Variants in AMBRA1 observed in about 807,000 individuals in gnomAD.
AMBRA1 encodes the protein activating molecule in BECN1-regulated autophagy protein 1.
Under a neutral mutation model 125.4 loss-of-function variants are expected in AMBRA1, and 47 were observed. The observed-to-expected ratio is 0.37, with a 90% CI of 0.30 to 0.48. The LOEUF is 0.48. Ranked by LOEUF, AMBRA1 falls within the 20% of genes least tolerant of loss-of-function variation. The pLI is 0.99. For missense variants in AMBRA1, 1,331 were observed against 1,693.4 expected (o/e 0.79, Z 3.76); for synonymous variants, 626 against 655.5 (o/e 0.95, Z 0.69).
At chr11:46,444,308 A>G (rs1948170004) in intron 11 of AMBRA1, among the ~76,000 whole-genome samples, 1 of 152,190 alleles carries the variant, frequency 6.6e-6, no homozygotes, top group South Asian at 2.1e-4. Context: ...ATTTGCTTGT[A>G]ACATCTCCAG....
At chr11:46,455,468 T>C (rs1485952804) in intron 11 of AMBRA1, among the ~76,000 whole-genome samples, 2 of 152,184 alleles carry the variant, frequency 1.3e-5, no homozygotes, top group African/African-American at 4.8e-5. Flanking sequence ...CATAACTAGG[T>C]AGCGTGCACA....
At chr11:46,426,377 C>T (rs1947137018) in intron 14 of AMBRA1, among the ~76,000 whole-genome samples, 1 of 152,222 alleles carries the variant, frequency 6.6e-6, no homozygotes, top group Admixed American at 6.5e-5. Flanking sequence ...CATGGACGCA[C>T]TACAGAGGAA....
chr11:46,549,577 T>C (rs925297584), intron 1 of AMBRA1, among the ~76,000 whole-genome samples: 14 of 152,202 alleles, frequency 9.2e-5, no homozygotes, highest in Admixed American at 5.9e-4. Flanking sequence ...AAGGATGTTC[T>C]GCCTCATAAC....
chr11:46,523,964 GT>G (rs1467657461), intron 7 of AMBRA1, among the ~76,000 whole-genome samples: 1 of 152,158 alleles, frequency 6.6e-6, no homozygotes, highest in African/African-American at 2.4e-5. Flanking sequence ...CACCTCCTGG[GT>G]TCAAGCAATT....
At chr11:46,562,164 G>A (rs1445353136) in intron 1 of AMBRA1, among the ~76,000 whole-genome samples, 1 of 152,196 alleles carries the variant, frequency 6.6e-6, no homozygotes, top group East Asian at 1.9e-4. Context: ...TCTCTGAGAT[G>A]ACATTTGAGT....
At chr11:46,517,477 T>TG (rs1405685167) in intron 7 of AMBRA1, among the ~76,000 whole-genome samples, 1 of 142,218 alleles carries the variant, frequency 7.0e-6, no homozygotes, top group African/African-American at 2.7e-5. Flanking sequence ...AAGGTTTTTT[T>TG]TTTTTTTTTT....
At chr11:46,477,360 CAGACTGGAGTGCAGT>C (rs1949858238) in intron 11 of AMBRA1, among the ~76,000 whole-genome samples, 1 of 150,894 alleles carries the variant, frequency 6.6e-6, no homozygotes, top group Non-Finnish European at 1.5e-5. Flanking sequence ...CTCTGTCACT[CAGACTGGAGTGCAGT>C]GATGTGATCT....
At chr11:46,570,383 A>G (rs996095822) in intron 1 of AMBRA1, among the ~76,000 whole-genome samples, 4 of 151,958 alleles carry the variant, frequency 2.6e-5, no homozygotes, top group Admixed American at 2.0e-4. Context: ...GTACGAAATT[A>G]TATCTTTTCA....
chr11:46,443,400 A>C, intron 12 of AMBRA1, 88 bp downstream of exon 12: 1 of 1,040,522 alleles, frequency 9.6e-7, no homozygotes, highest in Non-Finnish European at 1.5e-6. Flanking sequence ...TAGGATGATG[A>C]AAAACCCAGT....
chr11:46,508,530 C>T (rs915551550), intron 8 of AMBRA1, among the ~76,000 whole-genome samples, 160 bp from the exon 9 acceptor site: 15 of 152,228 alleles, frequency 9.9e-5, no homozygotes, highest in Admixed American at 2.0e-4. Flanking sequence ...GAGGTTTGCA[C>T]TGCAGAATAT....
At chr11:46,442,191 G>A (rs1948047080) in intron 12 of AMBRA1, among the ~76,000 whole-genome samples, 1 of 151,736 alleles carries the variant, frequency 6.6e-6, no homozygotes, top group Non-Finnish European at 1.5e-5. Context: ...CACCCAGACT[G>A]GAGTGTAGGG....
intron 1 of AMBRA1, among the ~76,000 whole-genome samples, chr11:46,564,079 G>C (rs547511661): frequency 2.0e-5 from 3 of 150,538 alleles, no homozygotes; most frequent in African/African-American, 4.9e-5. Flanking sequence ...AGGAGGCAGA[G>C]GTTGCAGTGA....
intron 14 of AMBRA1, among the ~76,000 whole-genome samples, chr11:46,423,386 ATTATT>A (rs1209664644): frequency 1.3e-5 from 2 of 151,846 alleles, no homozygotes; most frequent in East Asian, 3.9e-4. Context: ...TATAATTTTT[ATTATT>A]TTATTTTTTT....
At chr11:46,468,329 C>T (rs1475662683) in intron 11 of AMBRA1, among the ~76,000 whole-genome samples, 1 of 151,618 alleles carries the variant, frequency 6.6e-6, no homozygotes, top group African/African-American at 2.4e-5. Flanking sequence ...GGCTTGAGTC[C>T]AGGAGTTTGA....
intron 11 of AMBRA1, among the ~76,000 whole-genome samples, chr11:46,471,646 T>C (rs949522939): frequency 5.9e-5 from 9 of 151,710 alleles, no homozygotes; most frequent in African/African-American, 2.2e-4. Flanking sequence ...TGTTTTTTTT[T>C]TAGATGGAGT....
At chr11:46,534,615 C>T (rs1324418595) in intron 7 of AMBRA1, among the ~76,000 whole-genome samples, 9 of 152,288 alleles carry the variant, frequency 5.9e-5, no homozygotes, top group South Asian at 2.1e-4. Context: ...CAACTCTCAG[C>T]GTTATTAGGA....
At chr11:46,469,673 C>CT (rs1477610733) in intron 11 of AMBRA1, among the ~76,000 whole-genome samples, 4 of 151,774 alleles carry the variant, frequency 2.6e-5, no homozygotes, top group Non-Finnish European at 5.9e-5. Context: ...TTCTTTTTCT[C>CT]TTTTTTTAGA....
intron 7 of AMBRA1, among the ~76,000 whole-genome samples, chr11:46,522,918 T>C (rs1033055349): frequency 6.6e-6 from 1 of 152,160 alleles, no homozygotes; most frequent in Admixed American, 6.5e-5. Flanking sequence ...CACTATATAA[T>C]AGGAAGTAAA....
At chr11:46,425,914 C>A (rs2046766) in intron 14 of AMBRA1, among the ~76,000 whole-genome samples, 150,230 of 152,064 alleles carry the variant, frequency 0.99, 74,242 homozygotes, top group East Asian at 1. Context: ...TGGGAGGCTG[C>A]GGTGGGCAGA....
Sources: gnomAD v4.1 joint callset for allele counts (sites outside exome capture counted in the v4.1 genomes callset) on GRCh38, gnomAD v4.1.1 for gene constraint, MANE v1.5 for transcripts, NCBI Gene and HGNC (gene_info 2026-07-23, HGNC 2026-07-21) for gene names.